Variants in ENTREP2 observed in about 807,000 individuals in gnomAD.
ENTREP2 encodes the protein protein ENTREP2.
the ENTREP2 span, among the ~76,000 whole-genome samples, chr15:29,221,471 A>G: frequency 6.6e-6 from 1 of 152,092 alleles, no homozygotes; most frequent in East Asian, 1.9e-4. Context: ...AAGTGCTGGG[A>G]TTACAAGTGT....
chr15:29,132,488 C>T, the ENTREP2 span, among the ~76,000 whole-genome samples: 6 of 152,204 alleles, frequency 3.9e-5, no homozygotes, highest in African/African-American at 1.4e-4. Flanking sequence ...CGTGCTGTGC[C>T]CCTGCCAGCA....
the ENTREP2 span, among the ~76,000 whole-genome samples, chr15:29,460,714 G>A: frequency 6.6e-6 from 1 of 152,274 alleles, no homozygotes; most frequent in African/African-American, 2.4e-5. Context: ...TAACACATTT[G>A]AGAAATTTAG....
At chr15:29,416,260 C>T in the ENTREP2 span, among the ~76,000 whole-genome samples, 1 of 152,126 alleles carries the variant, frequency 6.6e-6, no homozygotes, top group African/African-American at 2.4e-5. Context: ...TACAAGGCTA[C>T]AGTAACCAAA....
the ENTREP2 span, among the ~76,000 whole-genome samples, chr15:29,585,244 A>G: frequency 6.6e-6 from 1 of 152,332 alleles, no homozygotes; most frequent in East Asian, 1.9e-4. Flanking sequence ...ATACACTTAA[A>G]CAGGAGTTTC....
chr15:29,135,939 G>T, the ENTREP2 span, among the ~76,000 whole-genome samples: 1 of 152,154 alleles, frequency 6.6e-6, no homozygotes, highest in East Asian at 1.9e-4. This position sits in a 1 kb window ranked among gnomAD's most constrained non-coding sequence, Gnocchi z 7.4. Flanking sequence ...TCTGCTCCTG[G>T]GGGCTCTCCC....
the ENTREP2 span, among the ~76,000 whole-genome samples, chr15:29,251,323 A>AACACACC: frequency 2.0e-5 from 3 of 152,132 alleles, no homozygotes; most frequent in Admixed American, 1.3e-4. Context: ...AATGCAACCA[A>AACACACC]ACACACTGCA....
the ENTREP2 span, among the ~76,000 whole-genome samples, chr15:29,519,664 A>G: frequency 6.6e-6 from 1 of 152,192 alleles, no homozygotes; most frequent in Non-Finnish European, 1.5e-5. Flanking sequence ...GTAGGCTATT[A>G]GTAGTTAAGT....
chr15:29,246,060 T>C, the ENTREP2 span, among the ~76,000 whole-genome samples: 1 of 152,308 alleles, frequency 6.6e-6, no homozygotes, highest in Admixed American at 6.5e-5. Flanking sequence ...GCAGCAGCAA[T>C]AGCCACTCAG....
At chr15:29,581,151 T>C in the ENTREP2 span, among the ~76,000 whole-genome samples, 13 of 152,276 alleles carry the variant, frequency 8.5e-5, no homozygotes, top group African/African-American at 3.1e-4. Flanking sequence ...TCAGAAATGA[T>C]TTAGTGATGT....
chr15:29,474,346 G>A, the ENTREP2 span, among the ~76,000 whole-genome samples: 2 of 152,106 alleles, frequency 1.3e-5, no homozygotes, highest in African/African-American at 4.8e-5. Flanking sequence ...ACCCCTCCTG[G>A]GTAGGGGCCC....
chr15:29,588,632 G>T, the ENTREP2 span, among the ~76,000 whole-genome samples: 1 of 151,622 alleles, frequency 6.6e-6, no homozygotes, highest in African/African-American at 2.4e-5. Flanking sequence ...ACAGAAGGAA[G>T]GAAGGAAGGA....
At chr15:29,151,822 C>T in the ENTREP2 span, 2 of 1,551,452 alleles carry the variant, frequency 1.3e-6, no homozygotes, top group Non-Finnish European at 1.7e-6. Flanking sequence ...GTTGAGGGCA[C>T]ACACGCTGAA....
chr15:29,579,803 C>G, the ENTREP2 span, among the ~76,000 whole-genome samples: 1 of 148,456 alleles, frequency 6.7e-6, no homozygotes, highest in Non-Finnish European at 1.5e-5. Context: ...GTCCACGTTC[C>G]GGGTTCACGC....
the ENTREP2 span, among the ~76,000 whole-genome samples, chr15:29,371,084 A>ATG: frequency 6.6e-6 from 1 of 152,108 alleles, no homozygotes; most frequent in Non-Finnish European, 1.5e-5. Flanking sequence ...GGACAGGCAC[A>ATG]ACTTGAGGTA....
At chr15:29,349,891 C>T in the ENTREP2 span, among the ~76,000 whole-genome samples, 2 of 152,014 alleles carry the variant, frequency 1.3e-5, no homozygotes, top group Non-Finnish European at 2.9e-5. Context: ...CAGAGCGAGA[C>T]TCTGTCTCAA....
the ENTREP2 span, among the ~76,000 whole-genome samples, chr15:29,293,470 A>C: frequency 3.5e-4 from 53 of 150,234 alleles, no homozygotes; most frequent in South Asian, 5.3e-3. Context: ...TTTAGCCAGG[A>C]TGGTCTCGAT....
chr15:29,467,420 C>T, the ENTREP2 span, among the ~76,000 whole-genome samples: 1 of 152,144 alleles, frequency 6.6e-6, no homozygotes, highest in Non-Finnish European at 1.5e-5. Context: ...ATGCCTGTTC[C>T]CTTCAGAAAC....
At chr15:29,263,526 GGC>G in the ENTREP2 span, among the ~76,000 whole-genome samples, 2 of 152,230 alleles carry the variant, frequency 1.3e-5, no homozygotes, top group Non-Finnish European at 2.9e-5. Flanking sequence ...TGGATGGTGT[GGC>G]AGAGAGGATA....
chr15:29,602,833 T>C, the ENTREP2 span, among the ~76,000 whole-genome samples: 1 of 152,284 alleles, frequency 6.6e-6, no homozygotes, highest in South Asian at 2.1e-4. Context: ...AGCTAAGTGA[T>C]CTGATCCACA....
Sources: allele counts gnomAD v4.1 joint callset (sites outside exome capture counted in the v4.1 genomes callset), GRCh38; gene constraint gnomAD v4.1.1; non-coding constraint Gnocchi (gnomAD v3.1); transcripts MANE v1.5; gene names NCBI Gene and HGNC (gene_info 2026-07-23, HGNC 2026-07-21).